Variants in CD99L2 observed in about 807,000 individuals in gnomAD.
CD99L2 encodes the protein CD99 molecule like 2.
Under a neutral mutation model 27.3 loss-of-function variants are expected in CD99L2, and 24 were observed. That is an observed-to-expected ratio of 0.88 (90% confidence interval 0.64 to 1.24). The LOEUF (loss-of-function observed/expected upper bound fraction) is 1.24. Ranked by LOEUF, CD99L2 falls within the 50% of genes most tolerant of loss-of-function variation. The pLI, the probability that CD99L2 is intolerant of heterozygous loss-of-function variation, is 0.00. For missense variants in CD99L2, 255 were observed against 221.6 expected (o/e 1.15, Z -0.96); for synonymous variants, 97 against 87.9 (o/e 1.10, Z -0.58).
At chrX:150,888,631 TA>T (rs1363724861) in intron 1 of CD99L2, among the ~76,000 whole-genome samples, 1 of 112,319 alleles carries the variant, frequency 8.9e-6, no homozygotes, top group Non-Finnish European at 1.9e-5. Context: ...CCACAATTTT[TA>T]AAAGGTTTCT....
At chrX:150,777,236 C>G in intron 8 of CD99L2, 1 of 455,153 alleles carries the variant, frequency 2.2e-6, no homozygotes, top group Middle Eastern at 6.0e-4. Context: ...ATATTGAGGC[C>G]CATAAGAAAT....
chrX:150,793,852 C>A (rs1209223676), intron 6 of CD99L2, 96 bp from the exon 7 acceptor site: 1 of 685,304 alleles, frequency 1.5e-6, no homozygotes, highest in Non-Finnish European at 2.1e-6. Flanking sequence ...AAATGATTCC[C>A]AGTTCCACTT....
intron 7 of CD99L2, among the ~76,000 whole-genome samples, chrX:150,780,705 G>T (rs1278471206): frequency 9.1e-6 from 1 of 109,739 alleles, no homozygotes; most frequent in Non-Finnish European, 1.9e-5. Context: ...AGCGGGCAAA[G>T]AACACAAACA....
At chrX:150,861,376 G>A (rs902106332) in intron 1 of CD99L2, among the ~76,000 whole-genome samples, 2 of 111,009 alleles carry the variant, frequency 1.8e-5, no homozygotes, top group Admixed American at 9.6e-5. Flanking sequence ...ACAAGGCTAT[G>A]GTAACCAAAA....
rs1038419392 is a variant in CD99L2, at chrX:150,768,561, G to C, written c.*473C>G. The C allele has an allele frequency of 8.4e-6, 1 of 119,147 alleles. No individual in the cohort carries two copies. The highest frequency in any genetic ancestry group is 1.7e-5 in the Non-Finnish European group (1 of 58,109). The allele number at this position is 119,147 out of a possible 1,213,427, so 9.8% of individuals were successfully genotyped here. ...CTTGCAGGGGCTCCAAGTGGGTGCA[G>C]GCTGAGCCCCCCACCTGCAGCTCCT... is the stretch of plus-strand genomic sequence containing the variant. On this transcript the variant is annotated 3_prime_UTR_variant, in exon 11 of 11. Transcript: ENST00000370377.
intron 1 of CD99L2, among the ~76,000 whole-genome samples, chrX:150,867,089 T>G (rs2047073672): frequency 8.9e-6 from 1 of 112,124 alleles, no homozygotes; most frequent in African/African-American, 3.2e-5. Context: ...CATTCCTTTT[T>G]TACTTTTATT....
At chrX:150,897,958 C>A (rs73611458) in intron 1 of CD99L2, among the ~76,000 whole-genome samples, 24 of 106,037 alleles carry the variant, frequency 2.3e-4, no homozygotes, top group African/African-American at 7.2e-4. Flanking sequence ...AGCGGGATTT[C>A]TCTCTCCTGC....
At chrX:150,840,161 C>T (rs1368184254) in intron 1 of CD99L2, among the ~76,000 whole-genome samples, 1 of 106,318 alleles carries the variant, frequency 9.4e-6, no homozygotes, top group Non-Finnish European at 1.9e-5. Flanking sequence ...TTGACAATGC[C>T]ATTGCACTCC....
rs41304974 is a variant in CD99L2 at position 150,768,498 on chromosome X, C to T, written c.*536G>A. 0.054 allele frequency: 6,118 copies of T among 113,515 alleles called. 197 individuals carry two copies. Among genetic ancestry groups the T allele is most frequent in the South Asian group, 0.19 (525 of 2,707 alleles). 9.4% of individuals were successfully genotyped at this position (113,515 alleles called of 1,213,427 possible). ...AGTGAAACCATCATCCTGGGTGCTG[C>T]GTGTGTGTGGTGTTACTTGGTGCTG... On this transcript the variant is annotated 3_prime_UTR_variant, in exon 11 of 11. Transcript: ENST00000370377.
At chrX:150,890,646 C>T (rs1026032038) in intron 1 of CD99L2, among the ~76,000 whole-genome samples, 1 of 106,984 alleles carries the variant, frequency 9.3e-6, no homozygotes, top group Admixed American at 1.0e-4. Flanking sequence ...AGGGAATGGA[C>T]ACAATTAGCT....
At chrX:150,815,187 T>A (rs1557420447) in intron 3 of CD99L2, among the ~76,000 whole-genome samples, 1 of 112,096 alleles carries the variant, frequency 8.9e-6, no homozygotes, top group Non-Finnish European at 1.9e-5. Flanking sequence ...TATTCCTAGG[T>A]ATTTTCTGCT....
intron 2 of CD99L2, among the ~76,000 whole-genome samples, chrX:150,822,060 C>T (rs991733758): frequency 5.4e-5 from 6 of 111,939 alleles, no homozygotes; most frequent in Admixed American, 2.8e-4. Flanking sequence ...CAAATAAGTA[C>T]GTGTATATAG....
intron 1 of CD99L2, among the ~76,000 whole-genome samples, chrX:150,838,055 G>A (rs1197520129): frequency 8.9e-6 from 1 of 112,585 alleles, no homozygotes; most frequent in East Asian, 2.8e-4. Flanking sequence ...TTGATATAAT[G>A]TGACAGGATG....
intron 1 of CD99L2, among the ~76,000 whole-genome samples, chrX:150,839,359 T>C (rs2046587732): frequency 1.8e-5 from 2 of 111,427 alleles, no homozygotes; most frequent in Admixed American, 1.9e-4. Context: ...TCCTTGAGAT[T>C]AGGGAAATTG....
intron 4 of CD99L2, among the ~76,000 whole-genome samples, chrX:150,813,956 T>C (rs2046112549): frequency 8.9e-6 from 1 of 112,374 alleles, no homozygotes. Context: ...AAGGAAAAGT[T>C]AGAACTTCAA....
chrX:150,884,607 C>T lies in CD99L2; in HGVS notation c.67+13915G>A, dbSNP rs1557422572. 3.6e-5 allele frequency among the ~76,000 whole-genome samples: 4 copies of T among 111,841 alleles called. No individual in the cohort carries two copies. In the South Asian group the frequency reaches 1.1e-3, roughly 31 times the overall value. On this transcript the variant is annotated intron_variant, in intron 1 of 10. Transcript: ENST00000370377. ...GGGGGGAGGATCAATCACTTGAGCC[C>T]GGGAAGTGGAGGTTGCAGTGAGCTG...
At chrX:150,872,534 C>T (rs1277144233) in intron 1 of CD99L2, among the ~76,000 whole-genome samples, 13 of 89,168 alleles carry the variant, frequency 1.5e-4, no homozygotes, top group African/African-American at 5.9e-4. Context: ...AATTATACCT[C>T]AATATGTTAA....
intron 4 of CD99L2, among the ~76,000 whole-genome samples, chrX:150,807,591 T>C (rs184251038): frequency 8.9e-6 from 1 of 112,465 alleles, no homozygotes; most frequent in African/African-American, 3.2e-5. Context: ...TCCTCATTAG[T>C]AAAGATCACT....
intron 2 of CD99L2, among the ~76,000 whole-genome samples, chrX:150,824,436 GAAAGAAGAAAGAA>G (rs1178824769): frequency 8.7e-5 from 7 of 80,122 alleles, no homozygotes; most frequent in African/African-American, 3.2e-4. Context: ...AGAAGAAGAA[GAAAGAAGAAAGAA>G]GAAGAAGAAA....
Sources: allele counts gnomAD v4.1 joint callset (sites outside exome capture counted in the v4.1 genomes callset), GRCh38; gene constraint gnomAD v4.1.1; transcripts MANE v1.5; gene names NCBI Gene and HGNC (gene_info 2026-07-23, HGNC 2026-07-21).